The following ADGRB3 variants were observed in gnomAD, a reference collection of about 807,000 sequenced individuals.
ADGRB3 encodes brain-specific angiogenesis inhibitor 3.
Under a neutral mutation model 193.4 loss-of-function variants are expected in ADGRB3, and 37 were observed. That is an observed-to-expected ratio of 0.19 (90% CI 0.15 to 0.25). ADGRB3 has a LOEUF of 0.25. Ranked by LOEUF, ADGRB3 falls within the 10% of genes least tolerant of loss-of-function variation. The pLI is 1.00. For missense variants in ADGRB3, 1,637 were observed against 1,852.9 expected, an observed-to-expected ratio of 0.88 and a Z score of 2.14; for synonymous variants, 690 against 644.2, an observed-to-expected ratio of 1.07 and a Z score of -1.08.
intron 3 of ADGRB3, among the ~76,000 whole-genome samples, chr6:68,756,639 T>C (rs556185659): frequency 6.6e-5 from 10 of 152,140 alleles, no homozygotes; most frequent in Non-Finnish European, 1.5e-4. Flanking sequence ...CTTCCTGTGC[T>C]ACACAGAGAC....
chr6:68,859,012 C>T (rs753080608), intron 3 of ADGRB3, among the ~76,000 whole-genome samples: 1 of 152,176 alleles, frequency 6.6e-6, no homozygotes, highest in African/African-American at 2.4e-5. Context: ...ATTTTATTTT[C>T]TACTACATCA....
intron 3 of ADGRB3, among the ~76,000 whole-genome samples, chr6:68,859,648 C>A (rs1269530133): frequency 6.6e-6 from 1 of 152,148 alleles, no homozygotes; most frequent in Non-Finnish European, 1.5e-5. Context: ...ACCTTCAGAT[C>A]TTGTGAGACT....
intron 12 of ADGRB3, among the ~76,000 whole-genome samples, chr6:69,015,026 A>C (rs1048879174): frequency 8.6e-5 from 13 of 151,736 alleles, no homozygotes; most frequent in East Asian, 1.9e-4. Flanking sequence ...AGAAAAAAAA[A>C]CCCTTATTTT....
intron 3 of ADGRB3, among the ~76,000 whole-genome samples, chr6:68,881,101 T>C (rs1387575796): frequency 1.3e-5 from 2 of 152,216 alleles, no homozygotes; most frequent in African/African-American, 2.4e-5. Flanking sequence ...ATGGTTATAT[T>C]GCCTAGTGAA....
chr6:68,907,336 A>G (rs1766577202), intron 3 of ADGRB3, among the ~76,000 whole-genome samples: 1 of 151,932 alleles, frequency 6.6e-6, no homozygotes, highest in African/African-American at 2.4e-5. Context: ...TTGTCTACAC[A>G]TTTAAATGAT....
intron 17 of ADGRB3, among the ~76,000 whole-genome samples, chr6:69,100,878 AAGGGAGGGAAGGAAGGAAGGAAGAAGCG>A (rs1562159458): frequency 1.2e-3 from 23 of 19,110 alleles, no homozygotes; most frequent in South Asian, 3.7e-3. Context: ...AGGAAGAAGG[AAGGGAGGGAAGGAAGGAAGGAAGAAGCG>A]AGGGAGGGAA....
intron 10 of ADGRB3, among the ~76,000 whole-genome samples, chr6:68,985,390 T>C (rs1769040275): frequency 6.6e-6 from 1 of 152,178 alleles, no homozygotes; most frequent in Non-Finnish European, 1.5e-5. Context: ...AATCAATCCA[T>C]TGGCATTAGA....
chr6:68,687,332 G>A (rs1765000275), intron 3 of ADGRB3, among the ~76,000 whole-genome samples: 1 of 151,740 alleles, frequency 6.6e-6, no homozygotes, highest in African/African-American at 2.4e-5. Context: ...TTATATACAT[G>A]ATCTTCAAAA....
chr6:69,254,550 T>A (rs1423937610), intron 20 of ADGRB3, among the ~76,000 whole-genome samples: 1 of 152,102 alleles, frequency 6.6e-6, no homozygotes, highest in Non-Finnish European at 1.5e-5. Context: ...TTTTCTTTTA[T>A]TTTTTATACT....
At chr6:69,059,836 T>C (rs1202756739) in intron 15 of ADGRB3, among the ~76,000 whole-genome samples, 1 of 152,296 alleles carries the variant, frequency 6.6e-6, no homozygotes, top group East Asian at 1.9e-4. Flanking sequence ...ATATTGGCAT[T>C]ACATTTTAAA....
At chr6:68,714,951 AG>A (rs1472715738) in intron 3 of ADGRB3, among the ~76,000 whole-genome samples, 3 of 151,804 alleles carry the variant, frequency 2.0e-5, no homozygotes, top group Non-Finnish European at 4.4e-5. Context: ...TGAGGTTGTG[AG>A]GAGAATCAAA....
chr6:68,822,015 A>C (rs1274294850), intron 3 of ADGRB3, among the ~76,000 whole-genome samples: 1 of 151,922 alleles, frequency 6.6e-6, no homozygotes, highest in Non-Finnish European at 1.5e-5. Context: ...GTTTATATAA[A>C]TTGTCCTAAG....
At chr6:69,178,714 G>T (rs773151707) in intron 17 of ADGRB3, among the ~76,000 whole-genome samples, 1 of 152,116 alleles carries the variant, frequency 6.6e-6, no homozygotes, top group Non-Finnish European at 1.5e-5. Flanking sequence ...ATGAAGCTTA[G>T]TTTGGCAGGA....
intron 17 of ADGRB3, among the ~76,000 whole-genome samples, chr6:69,139,270 T>G (rs1056988718): frequency 6.6e-6 from 1 of 152,204 alleles, no homozygotes; most frequent in Non-Finnish European, 1.5e-5. Flanking sequence ...AGCAGTCCCA[T>G]AAGGACTTGT....
intron 6 of ADGRB3, among the ~76,000 whole-genome samples, chr6:68,954,847 A>T (rs1015528712): frequency 7.3e-5 from 11 of 151,476 alleles, no homozygotes; most frequent in African/African-American, 2.7e-4. Context: ...TACCCGGCTA[A>T]TTTTTTTGTA....
At position 68,779,230 on chromosome 6, in the gene ADGRB3, ATGTG is replaced by A. The variant is rs4038665; in HGVS notation, c.757+139826_757+139829del. On this transcript the variant is annotated intron_variant, in intron 3 of 31. Coordinates refer to ENST00000370598, the MANE Select transcript of ADGRB3 (RefSeq NM_001704.3). Reference sequence around the variant, plus strand: ...TTTGTATTGTATATATGTATATATTATGTGTGTGTGTGTGTGTGTGTGTGTGTGT... The same window carrying A: ...TTTGTATTGTATATATGTATATATTATGTGTGTGTGTGTGTGTGTGTGTGT... 4.1e-3 allele frequency among the ~76,000 whole-genome samples: 587 copies of A among 144,594 alleles called. 5 individuals carry two copies. The highest frequency in any genetic ancestry group is 0.024 in the South Asian group (108 of 4,504). The allele number at this position is 144,594 out of a possible 152,430, so 94.9% of individuals were successfully genotyped here.
intron 17 of ADGRB3, among the ~76,000 whole-genome samples, chr6:69,094,222 G>T (rs1314542263): frequency 1.3e-5 from 2 of 152,062 alleles, no homozygotes; most frequent in African/African-American, 4.8e-5. Context: ...CTGATCAGAG[G>T]GTCTGTACAA....
chr6:69,246,765 G>A (rs1766505902), intron 20 of ADGRB3, among the ~76,000 whole-genome samples: 2 of 152,166 alleles, frequency 1.3e-5, no homozygotes, highest in African/African-American at 4.8e-5. Flanking sequence ...ATGACCTTGA[G>A]GGACAAGGAA....
intron 3 of ADGRB3, among the ~76,000 whole-genome samples, chr6:68,892,126 T>C (rs1186108907): frequency 6.6e-6 from 1 of 152,220 alleles, no homozygotes; most frequent in East Asian, 1.9e-4. Context: ...AATGCAGCTA[T>C]AGAGAATTTT....
Sources: gnomAD v4.1 joint callset for allele counts (sites outside exome capture counted in the v4.1 genomes callset) on GRCh38, gnomAD v4.1.1 for gene constraint, MANE v1.5 for transcripts, NCBI Gene and HGNC (gene_info 2026-07-23, HGNC 2026-07-21) for gene names.